The following KCNH8 variants were observed in gnomAD, a reference collection of about 807,000 sequenced individuals.
KCNH8 encodes voltage-gated delayed rectifier potassium channel KCNH8.
Under a neutral mutation model 103.6 loss-of-function variants are expected in KCNH8, and 70 were observed. That is an observed-to-expected ratio of 0.68 (90% CI 0.56 to 0.82). The LOEUF (loss-of-function observed/expected upper bound fraction) is 0.82. Ranked by LOEUF, KCNH8 falls within the 40% of genes least tolerant of loss-of-function variation. The pLI is 0.00. For synonymous variants in KCNH8, 498 were observed against 489.4 expected, an observed-to-expected ratio of 1.02 and a Z score of -0.23; for missense variants, 1,217 against 1,329.9, an observed-to-expected ratio of 0.92 and a Z score of 1.32.
chr3:19,461,819 C>T (rs538230355), intron 11 of KCNH8, among the ~76,000 whole-genome samples: 1 of 152,112 alleles, frequency 6.6e-6, no homozygotes, highest in Non-Finnish European at 1.5e-5. Flanking sequence ...CTCCCCCTCC[C>T]AACCACCCCA....
chr3:19,499,469 A>ACT (rs1489736486), intron 11 of KCNH8, among the ~76,000 whole-genome samples: 1 of 152,130 alleles, frequency 6.6e-6, no homozygotes, highest in African/African-American at 2.4e-5. Context: ...GAGAAGAGCA[A>ACT]CTCCAAGACA....
intron 3 of KCNH8, among the ~76,000 whole-genome samples, chr3:19,294,067 A>C (rs1369654851): frequency 6.6e-6 from 1 of 152,100 alleles, no homozygotes; most frequent in East Asian, 1.9e-4. Flanking sequence ...TATTTACCTT[A>C]GTCTTAGCCT....
chr3:19,507,376 G>T (rs1028975249), intron 11 of KCNH8, among the ~76,000 whole-genome samples: 13 of 152,212 alleles, frequency 8.5e-5, no homozygotes, highest in African/African-American at 2.9e-4. Flanking sequence ...AGGCTGATCT[G>T]TGGTCCGGAG....
At chr3:19,373,195 C>T (rs1407951001) in intron 5 of KCNH8, among the ~76,000 whole-genome samples, 1 of 152,024 alleles carries the variant, frequency 6.6e-6, no homozygotes, top group Admixed American at 6.5e-5. Flanking sequence ...GGTACCAGCT[C>T]CTCCTTGTAC....
At chr3:19,415,072 A>G (rs995988139) in intron 7 of KCNH8, among the ~76,000 whole-genome samples, 2 of 151,958 alleles carry the variant, frequency 1.3e-5, no homozygotes, top group Non-Finnish European at 2.9e-5. Context: ...TATTTTTACT[A>G]CACAAATGTG....
intron 1 of KCNH8, among the ~76,000 whole-genome samples, chr3:19,246,766 T>C (rs1179993840): frequency 6.6e-6 from 1 of 152,150 alleles, no homozygotes; most frequent in African/African-American, 2.4e-5. Context: ...CTTTAATGTG[T>C]ATATGAATCT....
At chr3:19,464,871 C>T (rs1329764310) in intron 11 of KCNH8, among the ~76,000 whole-genome samples, 1 of 152,058 alleles carries the variant, frequency 6.6e-6, no homozygotes, top group Non-Finnish European at 1.5e-5. Context: ...TCATCATCTA[C>T]TCTATTGCTC....
chr3:19,224,105 T>C (rs2063903931), intron 1 of KCNH8, among the ~76,000 whole-genome samples: 1 of 152,184 alleles, frequency 6.6e-6, no homozygotes, highest in South Asian at 2.1e-4. Flanking sequence ...TTAAGATTAA[T>C]TGACATGGAG....
At position 19,534,070 on chromosome 3, in the gene KCNH8, G is replaced by A. The variant is rs760456863; in HGVS notation, c.3295G>A (p.Val1099Met). The A allele has an allele frequency of 1.2e-5, 20 of 1,613,836 alleles. No homozygotes were observed. Among genetic ancestry groups the A allele is most frequent in the South Asian group, 3.3e-5 (3 of 91,082 alleles). ...GGAAGTTGTCACAAGCACAGCAGAA[G>A]TGAAAGATAACAAAGCCATAAATGT... is the stretch of plus-strand genomic sequence containing the variant. The part of the protein sequence containing the change: ...PLEVVTSTAE[V>M]KDNKAINV Residue 1099 changes from valine (V) to methionine (M), a missense_variant, in exon 16 of 16, where the codon GTG (valine) becomes ATG (methionine). By Grantham distance (21) the Val-to-Met change is conservative. Around this residue, in one of 3 missense-constraint regions of KCNH8, gnomAD observed 558 missense variants for 495.8 expected, o/e 1.13. Transcript: ENST00000328405.
At chr3:19,485,080 G>A (rs919603753) in intron 11 of KCNH8, among the ~76,000 whole-genome samples, 3 of 152,062 alleles carry the variant, frequency 2.0e-5, no homozygotes, top group South Asian at 2.1e-4. Context: ...CTCTGAGGTC[G>A]GTAGGCGGCA....
chr3:19,339,098 A>G (rs941659451), intron 3 of KCNH8, among the ~76,000 whole-genome samples: 11 of 152,126 alleles, frequency 7.2e-5, no homozygotes, highest in African/African-American at 2.7e-4. Flanking sequence ...ATGAGGGTTC[A>G]ATTGTGACTA....
intron 1 of KCNH8, among the ~76,000 whole-genome samples, chr3:19,234,333 G>A (rs1028772941): frequency 6.6e-5 from 10 of 152,196 alleles, no homozygotes; most frequent in Non-Finnish European, 1.5e-4. Context: ...CGTTGAGCAG[G>A]GGGCGCCGCT....
At chr3:19,473,767 C>A (rs1315491913) in intron 11 of KCNH8, among the ~76,000 whole-genome samples, 3 of 152,182 alleles carry the variant, frequency 2.0e-5, no homozygotes, top group Non-Finnish European at 2.9e-5. Flanking sequence ...TATACACACA[C>A]AAACTGATGC....
At chr3:19,214,845 T>C (rs941804606) in intron 1 of KCNH8, among the ~76,000 whole-genome samples, 1 of 152,214 alleles carries the variant, frequency 6.6e-6, no homozygotes, top group Non-Finnish European at 1.5e-5. Flanking sequence ...ATAGTTAAGA[T>C]ACTCTTTCAC....
chr3:19,504,728 G>T (rs965487842), intron 11 of KCNH8, among the ~76,000 whole-genome samples: 2 of 152,128 alleles, frequency 1.3e-5, no homozygotes, highest in African/African-American at 4.8e-5. Flanking sequence ...CTGTTGGTGG[G>T]AGTGTAAATT....
rs556868781 is a variant in KCNH8, at chr3:19,408,710, C to T, written c.1177+13399C>T. Among the ~76,000 whole-genome samples, 3 of 152,094 alleles carry T rather than the reference C, an allele frequency of 2.0e-5. No homozygotes were observed. In the Middle Eastern group the frequency reaches 0.01, roughly 517 times the overall value. On this transcript the variant is annotated intron_variant, in intron 7 of 15. Coordinates refer to ENST00000328405, the MANE Select transcript of KCNH8 (RefSeq NM_144633.3). ...GAATTGAAAAACTCACTTAAGGAAC[C>T]TCAAAATACAGTTGAAGATCTTATC...
chr3:19,462,234 T>G (rs1212683918), intron 11 of KCNH8, among the ~76,000 whole-genome samples: 1 of 152,214 alleles, frequency 6.6e-6, no homozygotes, highest in African/African-American at 2.4e-5. Context: ...TCCACAATGG[T>G]TGAACTAGTT....
chr3:19,400,376 A>G (rs1044694193), intron 7 of KCNH8, among the ~76,000 whole-genome samples: 1 of 151,824 alleles, frequency 6.6e-6, no homozygotes, highest in Non-Finnish European at 1.5e-5. Context: ...CTACTTACCA[A>G]TCTGTGTTTC....
chr3:19,522,724 T>C (rs544892660), intron 15 of KCNH8, among the ~76,000 whole-genome samples: 1 of 151,992 alleles, frequency 6.6e-6, no homozygotes, highest in Non-Finnish European at 1.5e-5. Context: ...GTTGAAGTCA[T>C]TGGCCTGTTT....
Sources: gnomAD v4.1 joint callset for allele counts (sites outside exome capture counted in the v4.1 genomes callset) on GRCh38, gnomAD v4.1.1 for gene constraint, gnomAD v4.1.1 regional missense constraint, MANE v1.5 for transcripts, NCBI Gene and HGNC (gene_info 2026-07-23, HGNC 2026-07-21) for gene names.